Variants in STK39 observed in about 807,000 individuals in gnomAD.
STK39 encodes the protein serine/threonine kinase 39, also known as STE20/SPS1-related proline-alanine-rich protein kinase.
A neutral mutation model predicts 77.8 loss-of-function variants in STK39; 20 were observed. The observed-to-expected ratio is 0.26, with a 90% CI of 0.18 to 0.37. STK39 has a LOEUF of 0.37. Among genes scored for constraint, STK39 ranks in the 10% least tolerant of loss-of-function variants. STK39 has a pLI of 1.00. For missense variants in STK39, 479 were observed against 656.5 expected (o/e 0.73, Z 2.95); for synonymous variants, 246 against 234.1 (o/e 1.05, Z -0.47).
At chr2:168,116,475 A>G (rs1456464883) in intron 10 of STK39, among the ~76,000 whole-genome samples, 2 of 152,224 alleles carry the variant, frequency 1.3e-5, no homozygotes, top group Admixed American at 6.5e-5. Flanking sequence ...TTTTAGAACT[A>G]CTGGATTTCA....
intron 16 of STK39, among the ~76,000 whole-genome samples, chr2:167,986,209 CA>C (rs985012022): frequency 3.9e-4 from 59 of 152,168 alleles, no homozygotes; most frequent in African/African-American, 1.3e-3. Context: ...TGATGATTAT[CA>C]AAAAGTTTTT....
chr2:168,198,033 G>A (rs1450465966), intron 1 of STK39, among the ~76,000 whole-genome samples: 2 of 128,194 alleles, frequency 1.6e-5, no homozygotes, highest in Non-Finnish European at 1.5e-5. Context: ...AACGAAACTC[G>A]GTCTCAAAAA....
intron 1 of STK39, among the ~76,000 whole-genome samples, chr2:168,244,464 T>A (rs1310420963): frequency 1.3e-5 from 2 of 152,218 alleles, no homozygotes; most frequent in African/African-American, 4.8e-5. Flanking sequence ...TGGTCACGGT[T>A]CACACTGCTG....
At chr2:168,088,900 G>A (rs1321303866) in intron 10 of STK39, among the ~76,000 whole-genome samples, 1 of 152,126 alleles carries the variant, frequency 6.6e-6, no homozygotes. Context: ...AGCATAAAAG[G>A]ATCAAAAATC....
At chr2:168,193,633 G>C (rs1405435801) in intron 1 of STK39, among the ~76,000 whole-genome samples, 2 of 152,228 alleles carry the variant, frequency 1.3e-5, no homozygotes, top group Non-Finnish European at 2.9e-5. Flanking sequence ...CCATGAGTCG[G>C]AGCCTGGCAG....
At chr2:168,238,488 G>T (rs566928705) in intron 1 of STK39, among the ~76,000 whole-genome samples, 1 of 152,142 alleles carries the variant, frequency 6.6e-6, no homozygotes, top group African/African-American at 2.4e-5. Flanking sequence ...TGAATGTAGA[G>T]GTCTCTACCA....
At chr2:168,126,784 T>C (rs547436903) in intron 10 of STK39, among the ~76,000 whole-genome samples, 16 of 152,290 alleles carry the variant, frequency 1.1e-4, no homozygotes, top group African/African-American at 3.9e-4. Flanking sequence ...GGGTGGAGTA[T>C]AGCTGATAAC....
At chr2:168,163,195 G>T (rs965910523) in intron 4 of STK39, among the ~76,000 whole-genome samples, 1 of 152,148 alleles carries the variant, frequency 6.6e-6, no homozygotes, top group Admixed American at 6.5e-5. Context: ...TATTCTATGT[G>T]ATTTGACTAT....
At chr2:168,182,951 G>A (rs1007787571) in intron 1 of STK39, among the ~76,000 whole-genome samples, 3 of 152,124 alleles carry the variant, frequency 2.0e-5, no homozygotes, top group African/African-American at 7.2e-5. Context: ...GTGCAAAGGT[G>A]GTCAGAGGTG....
chr2:168,018,106 G>A (rs1684461268), intron 14 of STK39, among the ~76,000 whole-genome samples: 1 of 152,138 alleles, frequency 6.6e-6, no homozygotes, highest in Admixed American at 6.5e-5. Context: ...ATAAGGGGCA[G>A]TGAGCTATAA....
chr2:168,080,552 CCTGGGA>C (rs1323093171), intron 10 of STK39, among the ~76,000 whole-genome samples: 2 of 152,100 alleles, frequency 1.3e-5, no homozygotes, highest in African/African-American at 4.8e-5. Context: ...ATGACGTGAA[CCTGGGA>C]GGCGGAGTTT....
intron 10 of STK39, among the ~76,000 whole-genome samples, chr2:168,080,359 G>C (rs1324641571): frequency 6.6e-6 from 1 of 152,230 alleles, no homozygotes; most frequent in Non-Finnish European, 1.5e-5. Context: ...GCCTGGCACA[G>C]TGGCTTACAC....
chr2:168,243,909 C>T (rs1690835305), intron 1 of STK39, among the ~76,000 whole-genome samples: 1 of 152,102 alleles, frequency 6.6e-6, no homozygotes, highest in South Asian at 2.1e-4. Context: ...GGGGGCTCAA[C>T]TCACCCCCAA....
chr2:168,227,546 GTTTC>G (rs1362475373), intron 1 of STK39, among the ~76,000 whole-genome samples: 1 of 152,144 alleles, frequency 6.6e-6, no homozygotes, highest in Non-Finnish European at 1.5e-5. Context: ...CCAGCTCTAG[GTTTC>G]ATACGAAGTC....
intron 3 of STK39, among the ~76,000 whole-genome samples, chr2:168,164,400 T>C (rs1389407644): frequency 1.3e-5 from 2 of 152,142 alleles, no homozygotes; most frequent in African/African-American, 4.8e-5. Context: ...CTTTATTTTC[T>C]TTCCTTCTTT....
intron 16 of STK39, among the ~76,000 whole-genome samples, chr2:167,997,419 C>T (rs1185873764): frequency 1.3e-5 from 2 of 152,066 alleles, no homozygotes; most frequent in Non-Finnish European, 2.9e-5. Context: ...CTACCCCTTA[C>T]TGAGTGCCTC....
chr2:168,174,483 T>C (rs1314226007), intron 2 of STK39, among the ~76,000 whole-genome samples: 2 of 152,190 alleles, frequency 1.3e-5, no homozygotes, highest in South Asian at 2.1e-4. Flanking sequence ...ACAGTAGTGA[T>C]ATTGAAATAC....
At chr2:167,969,400 G>C (rs918335226) in intron 16 of STK39, among the ~76,000 whole-genome samples, 2 of 152,130 alleles carry the variant, frequency 1.3e-5, no homozygotes, top group African/African-American at 4.8e-5. Context: ...TTTTTAACAT[G>C]GTCAGTGAGA....
chr2:168,092,281 C>A (rs373498470), intron 10 of STK39, among the ~76,000 whole-genome samples: 1 of 152,182 alleles, frequency 6.6e-6, no homozygotes, highest in East Asian at 1.9e-4. Flanking sequence ...ATAATGGAAG[C>A]TCCACTGTAA....
Sources: allele counts gnomAD v4.1 joint callset (sites outside exome capture counted in the v4.1 genomes callset), GRCh38; gene constraint gnomAD v4.1.1; transcripts MANE v1.5; gene names NCBI Gene and HGNC (gene_info 2026-07-23, HGNC 2026-07-21).